The following ZNF658 variants were observed in gnomAD, a reference collection of about 807,000 sequenced individuals.
The protein encoded by ZNF658 is zinc finger protein 658.
ZNF658 carries 46 observed loss-of-function variants against 78.0 expected under a neutral mutation model. That is an observed-to-expected ratio of 0.59 (90% confidence interval 0.47 to 0.75). The LOEUF (loss-of-function observed/expected upper bound fraction) is 0.75, where lower values mean the gene tolerates loss of function less well. Among genes scored for constraint, ZNF658 ranks in the 30% least tolerant of loss-of-function variants. The probability of loss-of-function intolerance (pLI) is 0.00; values close to 1 mark genes in which losing one functional copy is unlikely to be tolerated. For synonymous variants in ZNF658, 279 were observed against 408.4 expected, an observed-to-expected ratio of 0.68 and a Z score of 3.82; for missense variants, 785 against 1,189.3, an observed-to-expected ratio of 0.66 and a Z score of 5.00.
chr9:66,901,829 A>G (rs1821959002), intron 1 of ZNF658, among the ~76,000 whole-genome samples: 1 of 151,956 alleles, frequency 6.6e-6, no homozygotes, highest in Non-Finnish European at 1.5e-5. Flanking sequence ...CTGTAATCCC[A>G]GCTACTTGGG....
intron 4 of ZNF658, among the ~76,000 whole-genome samples, chr9:66,910,534 C>A (rs963929673): frequency 1.3e-5 from 2 of 151,592 alleles, no homozygotes; most frequent in Non-Finnish European, 2.9e-5. Flanking sequence ...TTGGGCCAGG[C>A]GTGGTGGCTC....
chr9:66,920,323 C>T lies in ZNF658; in HGVS notation c.2757C>T (p.Phe919=), dbSNP rs556787302. Residue 919 remains phenylalanine, a synonymous_variant, in exon 5 of 5, where the codon TTC becomes TTT. Coordinates refer to ENST00000621410, the MANE Select transcript of ZNF658 (RefSeq NM_033160.7). ...PYECSECGKT[F]SEKSYVSAHQ... The stretch of plus-strand genomic sequence containing the variant: ...AATGCAGTGAATGTGGGAAAACCTT[C>T]TCTGAGAAGTCATATGTTAGTGCAC... 6.2e-7 allele frequency: 1 copy of T among 1,613,588 alleles called. No homozygotes were observed. Among genetic ancestry groups the T allele is most frequent in the African/African-American group, 1.3e-5 (1 of 74,824 alleles).
At chr9:66,908,428 C>T (rs1822132530) in intron 3 of ZNF658, 64 bp downstream of exon 3, 2 of 1,610,056 alleles carry the variant, frequency 1.2e-6, no homozygotes, top group Admixed American at 3.4e-5. Context: ...AGTATCAAAA[C>T]ACATGGACCC....
Position 66,908,504 on chromosome 9 carries a change from A to G in ZNF658, c.143-135A>G. Reference sequence around the variant, plus strand: ...TAGTTGAAACCTTTACAGAAACAAAAGCAACATGTCATTACTTTCCCATTA... The same window carrying G: ...TAGTTGAAACCTTTACAGAAACAAAGGCAACATGTCATTACTTTCCCATTA... On this transcript the variant is annotated intron_variant, in intron 3 of 4. Transcript: ENST00000621410. The G allele has an allele frequency of 2.0e-6, 3 of 1,469,992 alleles. No homozygotes were observed. In the South Asian group the frequency reaches 4.1e-5, roughly 20 times the overall value. The allele number at this position is 1,469,992 out of a possible 1,614,324, so 91.1% of individuals were successfully genotyped here.
chr9:66,901,269 A>T lies in ZNF658; in HGVS notation c.-45+433A>T, dbSNP rs1243630436. On this transcript the variant is annotated intron_variant, in intron 1 of 4. Coordinates refer to ENST00000621410, the MANE Select transcript of ZNF658 (RefSeq NM_033160.7). ...CTCTTTGGTATAAACGTTCCATTTTAAAAAAATGGACGAAAGTTCATGGGG... is the reference window on the plus strand; with the variant it reads ...CTCTTTGGTATAAACGTTCCATTTTTAAAAAATGGACGAAAGTTCATGGGG... Among the ~76,000 whole-genome samples, 9 of 152,174 alleles carry T rather than the reference A, an allele frequency of 5.9e-5. No homozygotes were observed. The South Asian group carries it at 6.2e-4, about 11-fold the overall frequency.
At position 66,908,691 on chromosome 9, in the gene ZNF658, G is replaced by T; in HGVS notation, c.195G>T (p.Glu65Asp). 1 of 1,601,216 alleles carries T rather than the reference G, an allele frequency of 6.2e-7. No individual in the cohort carries two copies. Among genetic ancestry groups the T allele is most frequent in the Non-Finnish European group, 8.5e-7 (1 of 1,174,434 alleles). ...KVISKLEKGEEPWSLEDEFLN... is the reference protein window; with the variant it reads ...KVISKLEKGEDPWSLEDEFLN... ...TCTCCAAGTTGGAGAAAGGAGAAGA[G>T]CCATGGTCTTTAGAAGATGAATTCC... Residue 65 changes from glutamate (E) to aspartate (D), a missense_variant, in exon 4 of 5, where the codon GAG becomes GAT. Transcript: ENST00000621410.
chr9:66,914,813 CT>C (rs1822295278), intron 4 of ZNF658, among the ~76,000 whole-genome samples: 1 of 151,844 alleles, frequency 6.6e-6, no homozygotes. Flanking sequence ...TTTCAGTGTA[CT>C]TTTTGGGACA....
chr9:66,905,852 C>T (rs987442035), intron 2 of ZNF658, among the ~76,000 whole-genome samples: 4 of 144,196 alleles, frequency 2.8e-5, no homozygotes, highest in African/African-American at 8.0e-5. Flanking sequence ...GATTTAAAGT[C>T]ATCGTCTGTT....
At chr9:66,928,026 T>TA (rs553669249) in intron 6 of ZNF658, among the ~76,000 whole-genome samples, 1,067 of 94,868 alleles carry the variant, frequency 0.011, 20 homozygotes, top group African/African-American at 0.043. Flanking sequence ...CACAATAAAA[T>TA]AAAAATTTTA....
downstream of ZNF658, among the ~76,000 whole-genome samples, chr9:66,925,777 A>C (rs1822580568): frequency 6.6e-6 from 1 of 152,014 alleles, no homozygotes; most frequent in African/African-American, 2.4e-5. Context: ...GACAGACAAA[A>C]GACACTACAA....
chr9:66,929,212 C>T (rs1222396690), intron 6 of ZNF658, among the ~76,000 whole-genome samples: 3 of 141,114 alleles, frequency 2.1e-5, no homozygotes, highest in Non-Finnish European at 4.6e-5. Flanking sequence ...CTTGCTTTGC[C>T]TTTTGATCTC....
In ZNF658 at chr9:66,918,346, CAT is replaced by C. The variant is rs1335882695; in HGVS notation, c.781_782del (p.Met261GlufsTer3). 6.2e-7 allele frequency: 1 copy of C among 1,613,760 alleles called. No individual in the cohort carries two copies. Among genetic ancestry groups the C allele is most frequent in the East Asian group, 2.2e-5 (1 of 44,872 alleles). ...NFDKITLFNH[M>X]RTDTRGKCSD... ...TTGATAAAATCACTTTATTTAACCA[CAT>C]GAGAACTGACACAAGGGGGAAATGC... On this transcript the variant is annotated frameshift_variant, in exon 5 of 5. Coordinates refer to ENST00000621410, the MANE Select transcript of ZNF658 (RefSeq NM_033160.7). LOFTEE classifies it high-confidence loss of function.
downstream of ZNF658, among the ~76,000 whole-genome samples, chr9:66,924,015 G>T (rs1374909944): frequency 6.7e-6 from 1 of 149,758 alleles, no homozygotes; most frequent in Non-Finnish European, 1.5e-5. Context: ...GCCAGGAATG[G>T]TGGCGGGCAC....
chr9:66,927,244 G>A (rs1822594529), intron 6 of ZNF658, among the ~76,000 whole-genome samples: 2 of 150,292 alleles, frequency 1.3e-5, no homozygotes. Flanking sequence ...ATACCCACAG[G>A]TATATGAAAA....
At chr9:66,908,435 A>G in intron 3 of ZNF658, 71 bp downstream of exon 3, 3 of 1,607,834 alleles carry the variant, frequency 1.9e-6, no homozygotes, top group Non-Finnish European at 2.5e-6. Flanking sequence ...AAACACATGG[A>G]CCCTTTATAG....
intron 1 of ZNF658, among the ~76,000 whole-genome samples, chr9:66,902,304 G>A (rs560136812): frequency 7.5e-6 from 1 of 133,404 alleles, no homozygotes; most frequent in African/African-American, 2.9e-5. Flanking sequence ...ACCTCTTCTA[G>A]AGCGTCAGAG....
intron 4 of ZNF658, among the ~76,000 whole-genome samples, chr9:66,915,166 A>T (rs1346290598): frequency 6.6e-6 from 1 of 152,082 alleles, no homozygotes; most frequent in Non-Finnish European, 1.5e-5. Context: ...TTAAAATTTG[A>T]GTAAATTAGA....
chr9:66,931,968 G>C (rs1422035064), intron 6 of ZNF658: 1 of 150,372 alleles, frequency 6.7e-6, no homozygotes, highest in East Asian at 2.0e-4. Flanking sequence ...GGTGCATCTG[G>C]GAGTGAATGG....
intron 2 of ZNF658, among the ~76,000 whole-genome samples, chr9:66,906,956 C>T (rs1337614966): frequency 6.6e-6 from 1 of 151,994 alleles, no homozygotes; most frequent in Non-Finnish European, 1.5e-5. Flanking sequence ...TCTTCAGTAT[C>T]TTCACCGTCA....
Sources: allele counts gnomAD v4.1 joint callset (sites outside exome capture counted in the v4.1 genomes callset), GRCh38; gene constraint gnomAD v4.1.1; transcripts MANE v1.5; gene names NCBI Gene and HGNC (gene_info 2026-07-23, HGNC 2026-07-21).